SLC71A2: variants seen among roughly 807,000 people sequenced by gnomAD.
SLC71A2 encodes hippocampus abundant transcript-like 1.
At chr9:94,378,271 G>T in the SLC71A2 span, among the ~76,000 whole-genome samples, 1 of 151,862 alleles carries the variant, frequency 6.6e-6, no homozygotes, top group Non-Finnish European at 1.5e-5. Context: ...TTCTGGTGAG[G>T]GCCTCAGAAA....
the SLC71A2 span, chr9:94,451,649 C>T: frequency 2.0e-6 from 1 of 498,144 alleles, no homozygotes; most frequent in Non-Finnish European, 3.5e-6. Context: ...CAGTCCCTCA[C>T]CCCCTGCTAT....
the SLC71A2 span, among the ~76,000 whole-genome samples, chr9:94,452,256 T>TC: frequency 6.6e-6 from 1 of 152,196 alleles, no homozygotes; most frequent in African/African-American, 2.4e-5. Flanking sequence ...CTGCTTTAAC[T>TC]CCGACTGTTC....
chr9:94,438,299 G>A, the SLC71A2 span: 1 of 1,363,700 alleles, frequency 7.3e-7, no homozygotes, highest in East Asian at 2.4e-5. Flanking sequence ...CTGTTTTGGG[G>A]GCAGTACAAT....
the SLC71A2 span, among the ~76,000 whole-genome samples, chr9:94,455,716 TA>T: frequency 4.6e-5 from 7 of 152,176 alleles, no homozygotes; most frequent in Admixed American, 2.0e-4. Flanking sequence ...TTCATACTGA[TA>T]CATAGTTAAG....
the SLC71A2 span, among the ~76,000 whole-genome samples, chr9:94,405,454 G>A: frequency 2.7e-4 from 40 of 149,752 alleles, no homozygotes; most frequent in African/African-American, 9.9e-4. Flanking sequence ...AGCGGAAATC[G>A]TGCCACTGCA....
chr9:94,417,261 G>T, the SLC71A2 span, among the ~76,000 whole-genome samples: 5 of 152,226 alleles, frequency 3.3e-5, no homozygotes, highest in African/African-American at 9.6e-5. Flanking sequence ...CAGTTCAGTA[G>T]TATTAGATAC....
chr9:94,423,207 G>C, the SLC71A2 span, among the ~76,000 whole-genome samples: 4 of 150,176 alleles, frequency 2.7e-5, no homozygotes, highest in Non-Finnish European at 3.0e-5. Flanking sequence ...AAAGTGCTGG[G>C]ATTACAGATG....
chr9:94,379,089 C>CTTTTTGTTTTTT, the SLC71A2 span, among the ~76,000 whole-genome samples: 44 of 84,098 alleles, frequency 5.2e-4, 1 homozygote, highest in Middle Eastern at 0.018. Flanking sequence ...TGTGCATTTC[C>CTTTTTGTTTTTT]TTTTTTTTTT....
the SLC71A2 span, among the ~76,000 whole-genome samples, chr9:94,409,129 CTTTTTTT>C: frequency 2.9e-5 from 2 of 68,238 alleles, no homozygotes; most frequent in Non-Finnish European, 2.4e-5. Flanking sequence ...GCCCGGCCTC[CTTTTTTT>C]TTTTTTTTTT....
chr9:94,418,713 T>G, the SLC71A2 span, among the ~76,000 whole-genome samples: 504 of 152,096 alleles, frequency 3.3e-3, 2 homozygotes, highest in African/African-American at 0.011. Context: ...GTGCTGAGAT[T>G]ATAGGCATAA....
At chr9:94,438,229 C>T in the SLC71A2 span, among the ~76,000 whole-genome samples, 17 of 152,270 alleles carry the variant, frequency 1.1e-4, no homozygotes, top group Non-Finnish European at 2.1e-4. Context: ...TGAGCCACCA[C>T]GCCAGGCCTA....
chr9:94,453,985 T>A, the SLC71A2 span: 2 of 1,613,960 alleles, frequency 1.2e-6, no homozygotes, highest in Non-Finnish European at 1.7e-6. Context: ...CTTGATGAGA[T>A]CATTAGGAAA....
the SLC71A2 span, among the ~76,000 whole-genome samples, chr9:94,381,585 C>T: frequency 6.6e-6 from 1 of 152,192 alleles, no homozygotes; most frequent in Non-Finnish European, 1.5e-5. Flanking sequence ...CTGCTGTGAA[C>T]ATCTGTGTGC....
At chr9:94,437,505 A>G in the SLC71A2 span, among the ~76,000 whole-genome samples, 181 of 152,248 alleles carry the variant, frequency 1.2e-3, 1 homozygote, top group Non-Finnish European at 1.8e-3. Flanking sequence ...CTTAGTTTCA[A>G]CTGTAGTTGT....
At chr9:94,454,590 T>C in the SLC71A2 span, among the ~76,000 whole-genome samples, 1 of 151,884 alleles carries the variant, frequency 6.6e-6, no homozygotes, top group African/African-American at 2.4e-5. Flanking sequence ...GGTCTCAAAC[T>C]CCTGACCTTG....
chr9:94,435,650 C>CTTTTTTTTT, the SLC71A2 span, among the ~76,000 whole-genome samples: 1 of 48,400 alleles, frequency 2.1e-5, no homozygotes, highest in African/African-American at 7.6e-5. Flanking sequence ...TTTCCTTCTT[C>CTTTTTTTTT]TTTTTTTTTT....
At chr9:94,435,722 T>A in the SLC71A2 span, among the ~76,000 whole-genome samples, 17 of 146,748 alleles carry the variant, frequency 1.2e-4, no homozygotes, top group African/African-American at 4.3e-4. Flanking sequence ...TGGCACGATC[T>A]CGGCTCACTG....
chr9:94,453,501 T>A, the SLC71A2 span, among the ~76,000 whole-genome samples: 4 of 152,194 alleles, frequency 2.6e-5, no homozygotes, highest in Non-Finnish European at 5.9e-5. Flanking sequence ...CTAGTTATAT[T>A]TAGCAGAGTA....
At chr9:94,381,334 C>G in the SLC71A2 span, among the ~76,000 whole-genome samples, 55 of 150,848 alleles carry the variant, frequency 3.6e-4, no homozygotes, top group Non-Finnish European at 7.2e-4. Context: ...CTGCCCCCAG[C>G]TGGTTTGAAT....
Sources: gnomAD v4.1 joint callset for allele counts (sites outside exome capture counted in the v4.1 genomes callset) on GRCh38, gnomAD v4.1.1 for gene constraint, MANE v1.5 for transcripts, NCBI Gene and HGNC (gene_info 2026-07-23, HGNC 2026-07-21) for gene names.